Variants in MIPOL1 observed in about 807,000 individuals in gnomAD.
MIPOL1 encodes mirror-image polydactyly gene 1 protein.
A neutral mutation model predicts 60.9 loss-of-function variants in MIPOL1; 57 were observed. That is an observed-to-expected ratio of 0.94 (90% CI 0.76 to 1.17). MIPOL1 has a LOEUF of 1.17. Among genes scored for constraint, MIPOL1 ranks in the 50% most tolerant of loss-of-function variants. The pLI, the probability that MIPOL1 is intolerant of heterozygous loss-of-function variation, is 0.00. For missense variants in MIPOL1, 551 were observed against 511.6 expected (o/e 1.08, Z -0.74); for synonymous variants, 179 against 168.8 (o/e 1.06, Z -0.47).
chr14:37,522,728 A>G (rs2095422283), intron 12 of MIPOL1, among the ~76,000 whole-genome samples: 1 of 152,196 alleles, frequency 6.6e-6, no homozygotes, highest in South Asian at 2.1e-4. Context: ...TGAATTTCAT[A>G]GAATACATCA....
At chr14:37,234,687 G>A (rs781337531) in intron 1 of MIPOL1, among the ~76,000 whole-genome samples, 1 of 151,796 alleles carries the variant, frequency 6.6e-6, no homozygotes, top group Non-Finnish European at 1.5e-5. Context: ...TGTTAGCAAA[G>A]CCTAAAATAT....
At chr14:37,517,125 ATT>A (rs1340596655) in intron 12 of MIPOL1, among the ~76,000 whole-genome samples, 1 of 152,246 alleles carries the variant, frequency 6.6e-6, no homozygotes, top group East Asian at 1.9e-4. Flanking sequence ...AGATCATTAA[ATT>A]TGCTCTCAGT....
chr14:37,360,716 T>G (rs1198759651), intron 9 of MIPOL1, among the ~76,000 whole-genome samples: 4 of 151,686 alleles, frequency 2.6e-5, no homozygotes, highest in Admixed American at 2.0e-4. Flanking sequence ...CTTTTGTTCT[T>G]TATTGGTCTT....
chr14:37,295,700 A>G lies in MIPOL1; in HGVS notation c.623+10253A>G, dbSNP rs193206229. 3.1e-3 allele frequency among the ~76,000 whole-genome samples: 467 copies of G among 152,316 alleles called. 3 individuals carry two copies. The highest frequency in any genetic ancestry group is 9.6e-3 in the African/African-American group (398 of 41,556). ...TTTAAACCAACAAAGATCAAAAGAG[A>G]CAAAGAAGGCCATTGCATAATGGTA... On this transcript the variant is annotated intron_variant, in intron 7 of 12. Transcript: ENST00000684589.
chr14:37,330,007 T>C (rs2089526803), intron 9 of MIPOL1, among the ~76,000 whole-genome samples: 1 of 115,872 alleles, frequency 8.6e-6, no homozygotes, highest in Admixed American at 1.0e-4. Flanking sequence ...CACCACATCC[T>C]AGTAGTTGTA....
rs748057351 is a variant in MIPOL1 at position 37,270,446 on chromosome 14, TAAAG to T, written c.417_420del (p.Lys139AsnfsTer5). On this transcript the variant is annotated frameshift_variant, in exon 6 of 13. Coordinates refer to ENST00000684589, the MANE Select transcript of MIPOL1 (RefSeq NM_001388067.1). LOFTEE classifies it high-confidence loss of function. The stretch of plus-strand genomic sequence containing the variant: ...TTCAGCAGAAATTGGCTAAAGAAGA[TAAAG>T]AACAGAGAAAACTAAAGTTTAAGCT... 1.9e-6 allele frequency: 3 copies of T among 1,594,928 alleles called. No individual in the cohort carries two copies. In the African/African-American group the frequency reaches 4.1e-5, roughly 22 times the overall value.
chr14:37,526,196 C>CT (rs78866640), intron 12 of MIPOL1, among the ~76,000 whole-genome samples: 2,605 of 133,012 alleles, frequency 0.02, 33 homozygotes, highest in African/African-American at 0.034. Context: ...TGTATATATG[C>CT]TTTTTTTTTT....
intron 9 of MIPOL1, among the ~76,000 whole-genome samples, chr14:37,340,173 T>C (rs2090460433): frequency 6.6e-6 from 1 of 152,164 alleles, no homozygotes; most frequent in South Asian, 2.1e-4. Context: ...TTGGCCTCCC[T>C]TGCTTTACTG....
chr14:37,438,728 A>T (rs2094199312), intron 11 of MIPOL1, among the ~76,000 whole-genome samples: 1 of 152,214 alleles, frequency 6.6e-6, no homozygotes, highest in East Asian at 1.9e-4. Flanking sequence ...GTCTGTGTTC[A>T]ACCAAACTGC....
intron 11 of MIPOL1, among the ~76,000 whole-genome samples, chr14:37,478,084 G>A (rs1169873): frequency 0.77 from 117,182 of 152,214 alleles, 45,658 homozygotes; most frequent in African/African-American, 0.89. Flanking sequence ...GAAATGTCTT[G>A]CAAAAGAGTA....
chr14:37,530,255 A>G (rs2095471364), intron 12 of MIPOL1, among the ~76,000 whole-genome samples: 1 of 152,216 alleles, frequency 6.6e-6, no homozygotes. Context: ...AGTGCCATTA[A>G]TAGAACGTCT....
chr14:37,236,544 C>A (rs915361644), intron 1 of MIPOL1, among the ~76,000 whole-genome samples: 4 of 152,030 alleles, frequency 2.6e-5, no homozygotes, highest in Non-Finnish European at 4.4e-5. Flanking sequence ...TCAAGCGATT[C>A]TCCTGCCTCA....
At chr14:37,298,380 C>G (rs1489025591) in intron 7 of MIPOL1, among the ~76,000 whole-genome samples, 4 of 152,184 alleles carry the variant, frequency 2.6e-5, no homozygotes, top group Admixed American at 2.6e-4. Flanking sequence ...CCATTCAGGA[C>G]ATTGGCCTGG....
intron 9 of MIPOL1, among the ~76,000 whole-genome samples, chr14:37,356,392 C>A (rs1337471494): frequency 6.6e-6 from 1 of 152,090 alleles, no homozygotes; most frequent in Non-Finnish European, 1.5e-5. Flanking sequence ...GAGGTGAAGC[C>A]TACAGAGGCA....
At chr14:37,388,721 G>A (rs1239507119) in intron 10 of MIPOL1, among the ~76,000 whole-genome samples, 1 of 151,896 alleles carries the variant, frequency 6.6e-6, no homozygotes, top group Non-Finnish European at 1.5e-5. Flanking sequence ...TTTCTGGAAT[G>A]CTATGCAAGT....
At chr14:37,346,353 G>A (rs1002867896) in intron 9 of MIPOL1, among the ~76,000 whole-genome samples, 2 of 151,992 alleles carry the variant, frequency 1.3e-5, no homozygotes, top group Non-Finnish European at 2.9e-5. Context: ...ATAACTGAAG[G>A]TGTGGCCCTT....
intron 12 of MIPOL1, chr14:37,502,946 A>T (rs1161267662): frequency 6.6e-6 from 1 of 152,242 alleles, no homozygotes; most frequent in African/African-American, 2.4e-5. Flanking sequence ...ATGGAGATGA[A>T]AACCATGGCA....
intron 9 of MIPOL1, among the ~76,000 whole-genome samples, chr14:37,315,756 A>C (rs1216758661): frequency 2.0e-5 from 3 of 152,122 alleles, no homozygotes; most frequent in Admixed American, 1.3e-4. Flanking sequence ...TTAAAAATTC[A>C]AGGAGAATTT....
rs200593789 is a variant in MIPOL1 at position 37,426,651 on chromosome 14, G to GTA, written c.1031+3712_1031+3713dup. ...ATGTATATATATATATTATATATGT[G>GTA]TATATATATATGCACACAAGTATGT... On this transcript the variant is annotated intron_variant, in intron 11 of 12. Transcript: ENST00000684589. 1.9e-3 allele frequency among the ~76,000 whole-genome samples: 256 copies of GTA among 137,794 alleles called. 1 individual carries two copies. Among genetic ancestry groups the GTA allele is most frequent in the African/African-American group, 5.8e-3 (217 of 37,192 alleles). The allele number at this position is 137,794 out of a possible 152,430, so 90.4% of individuals were successfully genotyped here. A position where few individuals can be genotyped will look rare whatever the true frequency, so the allele number is the denominator to read the frequency against.
Sources: allele counts gnomAD v4.1 joint callset (sites outside exome capture counted in the v4.1 genomes callset), GRCh38; gene constraint gnomAD v4.1.1; transcripts MANE v1.5; gene names NCBI Gene and HGNC (gene_info 2026-07-23, HGNC 2026-07-21).